Variants in TNFRSF11B observed in about 807,000 individuals in gnomAD.
The protein encoded by TNFRSF11B is tumor necrosis factor receptor superfamily member 11B.
Under a neutral mutation model 43.4 loss-of-function variants are expected in TNFRSF11B, and 16 were observed. The ratio of observed to expected loss-of-function variants is 0.37; its 90% CI spans 0.25 to 0.56. The LOEUF is 0.56. TNFRSF11B is among the 20% of genes least tolerant of loss of function. The pLI is 0.80. For missense variants in TNFRSF11B, 444 were observed against 490.1 expected, an observed-to-expected ratio of 0.91 and a Z score of 0.89; for synonymous variants, 185 against 181.8, an observed-to-expected ratio of 1.02 and a Z score of -0.14.
Position 118,933,293 on chromosome 8 carries a change from T to A in TNFRSF11B, c.38A>T (p.Asp13Val). 6.2e-7 allele frequency: 1 copy of A among 1,613,586 alleles called. No homozygotes were observed. The highest frequency in any genetic ancestry group is 8.5e-7 in the Non-Finnish European group (1 of 1,180,026). The change falls in exon 2 of 5, where the codon GAC becomes GTC. Residue 13 changes from aspartate (D) to valine (V), a missense_variant. Transcript: ENST00000297350. Reference protein sequence around the residue: ...NLLCCALVFLDISIKWTTQET... With the variant: ...NLLCCALVFLVISIKWTTQET... Reference sequence around the variant, plus strand: ...CTGGGTGGTCCACTTAATGGAGATGTCCAGAAACTAGAAGGAGAAAGGAAC... The same window carrying A: ...CTGGGTGGTCCACTTAATGGAGATGACCAGAAACTAGAAGGAGAAAGGAAC...
chr8:118,943,763 T>C (rs921126872), intron 1 of TNFRSF11B, among the ~76,000 whole-genome samples: 3 of 152,052 alleles, frequency 2.0e-5, no homozygotes, highest in Admixed American at 2.0e-4. Flanking sequence ...TGGGTAAAAG[T>C]TGTAGATGAA....
chr8:118,931,820 GA>G (rs1437220926), intron 2 of TNFRSF11B, among the ~76,000 whole-genome samples: 1 of 152,194 alleles, frequency 6.6e-6, no homozygotes, highest in African/African-American at 2.4e-5. Context: ...CAAGTTTTGA[GA>G]GTTAAAATAG....
chr8:118,947,516 A>G (rs1812582767), intron 1 of TNFRSF11B, among the ~76,000 whole-genome samples: 1 of 152,288 alleles, frequency 6.6e-6, no homozygotes, highest in Non-Finnish European at 1.5e-5. Context: ...TAATGACTGT[A>G]TGCTGCTGGA....
chr8:118,930,861 A>G (rs1390988055), intron 2 of TNFRSF11B: 2 of 374,996 alleles, frequency 5.3e-6, no homozygotes, highest in East Asian at 7.6e-5. Flanking sequence ...GACAGAACTA[A>G]TGTTTCATAA....
At chr8:118,941,306 T>C (rs1008534579) in intron 1 of TNFRSF11B, among the ~76,000 whole-genome samples, 3 of 152,192 alleles carry the variant, frequency 2.0e-5, no homozygotes, top group Admixed American at 6.5e-5. Context: ...GTTTTCACAA[T>C]AGCCAGTTGT....
At chr8:118,935,207 A>T (rs917134683) in intron 1 of TNFRSF11B, among the ~76,000 whole-genome samples, 1 of 152,092 alleles carries the variant, frequency 6.6e-6, no homozygotes, top group African/African-American at 2.4e-5. Flanking sequence ...GGGGCTTTTA[A>T]TTGTCTCAGG....
chr8:118,938,178 C>T (rs1009283345), intron 1 of TNFRSF11B, among the ~76,000 whole-genome samples: 7 of 152,120 alleles, frequency 4.6e-5, no homozygotes, highest in Non-Finnish European at 8.8e-5. Context: ...GATGGGGTCT[C>T]GCTATGTTGC....
intron 1 of TNFRSF11B, among the ~76,000 whole-genome samples, chr8:118,942,945 C>A (rs1812509294): frequency 6.6e-6 from 1 of 152,102 alleles, no homozygotes; most frequent in African/African-American, 2.4e-5. Context: ...ACCTATTTGA[C>A]CATCCGTCTG....
chr8:118,940,327 TAAAAA>T lies in TNFRSF11B; in HGVS notation c.31-7032_31-7028del, dbSNP rs761569296. 2.6e-5 allele frequency among the ~76,000 whole-genome samples: 4 copies of T among 152,026 alleles called. No homozygotes were observed. In the East Asian group the frequency reaches 5.8e-4, roughly 22 times the overall value. ...ACATGCACCCTAGAACTTAAAGTAT[TAAAAA>T]AAGAAAAGGGTGTTAAATGGGTAAG... On this transcript the variant is annotated intron_variant, in intron 1 of 4. Coordinates refer to ENST00000297350, the MANE Select transcript of TNFRSF11B (RefSeq NM_002546.4).
intron 1 of TNFRSF11B, 93 bp downstream of exon 1, chr8:118,951,699 C>T: frequency 7.8e-7 from 1 of 1,274,884 alleles, no homozygotes; most frequent in Non-Finnish European, 1.1e-6. Context: ...GCGAGTGGAG[C>T]CTTCTCCCCG....
At chr8:118,930,586 A>T (rs563700081) in intron 2 of TNFRSF11B, 192 of 270,758 alleles carry the variant, frequency 7.1e-4, no homozygotes, top group Admixed American at 2.0e-3. Flanking sequence ...TAATTTTTGT[A>T]TTTTTAGTAG....
At chr8:118,943,121 G>A (rs1812511548) in intron 1 of TNFRSF11B, among the ~76,000 whole-genome samples, 1 of 152,076 alleles carries the variant, frequency 6.6e-6, no homozygotes, top group South Asian at 2.1e-4. Context: ...ATACTAAGCA[G>A]TAGCTTCTCA....
At chr8:118,934,472 A>G (rs1812374856) in intron 1 of TNFRSF11B, among the ~76,000 whole-genome samples, 1 of 152,220 alleles carries the variant, frequency 6.6e-6, no homozygotes, top group Non-Finnish European at 1.5e-5. Flanking sequence ...GGCAGGGATC[A>G]GAAGTTTCCA....
intron 1 of TNFRSF11B, among the ~76,000 whole-genome samples, chr8:118,935,559 C>T (rs540066963): frequency 1.6e-5 from 2 of 125,970 alleles, no homozygotes; most frequent in Non-Finnish European, 3.7e-5. Context: ...TATAATGGGA[C>T]AACTTTCAGG....
chr8:118,939,056 A>C (rs1219386644), intron 1 of TNFRSF11B, among the ~76,000 whole-genome samples: 1 of 152,132 alleles, frequency 6.6e-6, no homozygotes, highest in East Asian at 1.9e-4. Flanking sequence ...GAGTTAGCTA[A>C]ACTTCTGGTC....
intron 1 of TNFRSF11B, among the ~76,000 whole-genome samples, chr8:118,941,716 A>T (rs1431463553): frequency 6.6e-6 from 1 of 152,040 alleles, no homozygotes; most frequent in African/African-American, 2.4e-5. Context: ...TAACAAATGA[A>T]GGCAAAAAAA....
chr8:118,934,662 A>T (rs1344082904), intron 1 of TNFRSF11B, among the ~76,000 whole-genome samples: 1 of 152,164 alleles, frequency 6.6e-6, no homozygotes, highest in East Asian at 1.9e-4. Flanking sequence ...GCTCAGAAGA[A>T]ACTGTGTTTT....
At position 118,951,857 on chromosome 8, in the gene TNFRSF11B, C is replaced by T. The variant is rs1428367594; in HGVS notation, c.-36G>A. 3.8e-6 allele frequency: 6 copies of T among 1,568,492 alleles called. No homozygotes were observed. Among genetic ancestry groups the T allele is most frequent in the East Asian group, 4.7e-5 (2 of 42,156 alleles). ...GGAAACCTCAGGGGCTTGGAGGCGG[C>T]GGCTGGGCGAGCGCTCCGGTGCGTC... On this transcript the variant is annotated 5_prime_UTR_variant, in exon 1 of 5. Transcript: ENST00000297350.
intron 2 of TNFRSF11B, among the ~76,000 whole-genome samples, chr8:118,929,666 T>A (rs975466529): frequency 6.6e-6 from 1 of 151,748 alleles, no homozygotes; most frequent in Non-Finnish European, 1.5e-5. Flanking sequence ...GAAGAAATCA[T>A]TGGCAGAAAA....
Sources: gnomAD v4.1 joint callset for allele counts (sites outside exome capture counted in the v4.1 genomes callset) on GRCh38, gnomAD v4.1.1 for gene constraint, MANE v1.5 for transcripts, NCBI Gene and HGNC (gene_info 2026-07-23, HGNC 2026-07-21) for gene names.